The following ULK4 variants were observed in gnomAD, a reference collection of about 807,000 sequenced individuals.
The protein encoded by ULK4 is unc-51 like kinase 4.
Under a neutral mutation model 160.6 loss-of-function variants are expected in ULK4, and 133 were observed. The observed-to-expected ratio is 0.83, with a 90% confidence interval of 0.72 to 0.96. The LOEUF is 0.96. Ranked by LOEUF, ULK4 falls within the 40% of genes least tolerant of loss-of-function variation. ULK4 has a pLI of 0.00. For missense variants in ULK4, 1,580 were observed against 1,499.5 expected (o/e 1.05, Z -0.89); for synonymous variants, 534 against 539.8 (o/e 0.99, Z 0.15).
intron 17 of ULK4, among the ~76,000 whole-genome samples, chr3:41,882,456 C>T (rs1697558514): frequency 6.6e-6 from 1 of 152,200 alleles, no homozygotes; most frequent in Non-Finnish European, 1.5e-5. Context: ...GCCATAGTGG[C>T]TGGTGGCTAC....
At chr3:41,531,357 C>T (rs2086305449) in intron 32 of ULK4, among the ~76,000 whole-genome samples, 1 of 139,544 alleles carries the variant, frequency 7.2e-6, no homozygotes, top group Non-Finnish European at 1.5e-5. Context: ...AGGAGAATGG[C>T]GTGAACCTGG....
At chr3:41,507,612 CAAAAAAAAAA>C (rs71075473) in intron 32 of ULK4, among the ~76,000 whole-genome samples, 1 of 75,288 alleles carries the variant, frequency 1.3e-5, no homozygotes, top group African/African-American at 6.2e-5. Flanking sequence ...AAACCACCAC[CAAAAAAAAAA>C]AAAAAAAAAA....
chr3:41,484,387 C>A (rs2084432839), intron 32 of ULK4, among the ~76,000 whole-genome samples: 1 of 151,914 alleles, frequency 6.6e-6, no homozygotes, highest in South Asian at 2.1e-4. Flanking sequence ...ACCCCCTGGA[C>A]TGGGCGCCTG....
Position 41,351,108 on chromosome 3 carries a change from G to A in ULK4, c.3678+46971C>T, listed in dbSNP as rs536921226. On this transcript the variant is annotated intron_variant, in intron 35 of 36. Transcript: ENST00000301831. ...CCACACTGAAGCACGTAGGACGGAAGATAAGTCAAGTCTTGTAAGAGTCGT... is the reference window on the plus strand; with the variant it reads ...CCACACTGAAGCACGTAGGACGGAAAATAAGTCAAGTCTTGTAAGAGTCGT... Among the ~76,000 whole-genome samples, 11 of 152,302 alleles carry A rather than the reference G, an allele frequency of 7.2e-5. No homozygotes were observed. The South Asian group carries it at 2.3e-3, about 32-fold the overall frequency.
chr3:41,501,808 C>CA (rs2085219810), intron 32 of ULK4, among the ~76,000 whole-genome samples: 1 of 152,092 alleles, frequency 6.6e-6, no homozygotes, highest in Non-Finnish European at 1.5e-5. Flanking sequence ...AATATGTCCC[C>CA]AATTATCCCA....
At chr3:41,770,510 CTT>C (rs560284136) in intron 21 of ULK4, among the ~76,000 whole-genome samples, 27 of 135,398 alleles carry the variant, frequency 2.0e-4, no homozygotes, top group Admixed American at 2.2e-4. Flanking sequence ...TAGAAAGATA[CTT>C]TTTTTTTTTT....
chr3:41,931,863 G>A lies in ULK4; in HGVS notation c.522C>T (p.Ser174=). The A allele has an allele frequency of 6.2e-7, 1 of 1,613,934 alleles. No individual in the cohort carries two copies. The highest frequency in any genetic ancestry group is 8.5e-7 in the Non-Finnish European group (1 of 1,179,944). ...ACATACCTTTGACTCTACTTTTCATGCTTTTCTTCAGGACATTTTCCCCAT... is the reference window on the plus strand; with the variant it reads ...ACATACCTTTGACTCTACTTTTCATACTTTTCTTCAGGACATTTTCCCCAT... ...GDNGENVLKK[S]MKSRVKGSPV... Residue 174 remains serine, a synonymous_variant, in exon 5 of 37, where the codon AGC becomes AGT. Transcript: ENST00000301831.
In ULK4 at chr3:41,884,049, T is replaced by A. The variant is rs139686335; in HGVS notation, c.1578-97A>T. 2.9e-4 allele frequency: 249 copies of A among 850,982 alleles called. 1 individual carries two copies. The African/African-American group carries it at 3.8e-3, about 13-fold the overall frequency. The allele number at this position is 850,982 out of a possible 1,614,324, so 52.7% of individuals were successfully genotyped here. On this transcript the variant is annotated intron_variant, in intron 16 of 36. Coordinates refer to ENST00000301831, the MANE Select transcript of ULK4 (RefSeq NM_017886.4). ...ATTATGCAATGATGAGCATTAGATA[T>A]AAGACTGAGAAATAAAAATTGAATG... is the stretch of plus-strand genomic sequence containing the variant.
At chr3:41,941,665 G>A (rs1182870620) in intron 2 of ULK4, among the ~76,000 whole-genome samples, 1 of 139,898 alleles carries the variant, frequency 7.1e-6, no homozygotes, top group Non-Finnish European at 1.5e-5. Context: ...GCTGCGGCAG[G>A]AGGATCCATT....
At chr3:41,352,826 C>G (rs2080937839) in intron 35 of ULK4, among the ~76,000 whole-genome samples, 1 of 152,190 alleles carries the variant, frequency 6.6e-6, no homozygotes, top group South Asian at 2.1e-4. Flanking sequence ...GAGGGCCTAA[C>G]TAGGTTCAGT....
intron 2 of ULK4, among the ~76,000 whole-genome samples, chr3:41,948,037 G>A (rs988965408): frequency 3.3e-5 from 5 of 151,994 alleles, no homozygotes; most frequent in Non-Finnish European, 5.9e-5. Flanking sequence ...TTTCCCACAC[G>A]TGACCGACCC....
chr3:41,389,985 G>A (rs1377996738), intron 35 of ULK4, among the ~76,000 whole-genome samples: 2 of 152,126 alleles, frequency 1.3e-5, no homozygotes, highest in African/African-American at 4.8e-5. Context: ...GAATTCGGCT[G>A]GGAATCCATC....
At position 41,911,633 on chromosome 3, in the gene ULK4, G is replaced by T; in HGVS notation, c.923C>A (p.Pro308Gln). 6.2e-7 allele frequency: 1 copy of T among 1,613,748 alleles called. No homozygotes were observed. The highest frequency in any genetic ancestry group is 8.5e-7 in the Non-Finnish European group (1 of 1,180,016). The change falls in exon 10 of 37, where the codon CCA becomes CAA. Residue 308 changes from proline (P) to glutamine (Q), a missense_variant. By Grantham distance (76) the Pro-to-Gln change is moderately conservative. Transcript: ENST00000301831. Reference protein sequence around the residue: ...LSRNTMECSGPQDSKELLQNS... With the variant: ...LSRNTMECSGQQDSKELLQNS... Reference sequence around the variant, plus strand: ...CTGCAAAAGCTCCTTGGAATCTTGTGGCCCAGAACACTCCATAGTGTTTCT... The same window carrying T: ...CTGCAAAAGCTCCTTGGAATCTTGTTGCCCAGAACACTCCATAGTGTTTCT...
chr3:41,279,255 T>TGAAAAAAA (rs1553638183), intron 35 of ULK4, among the ~76,000 whole-genome samples: 2 of 43,074 alleles, frequency 4.6e-5, no homozygotes, highest in African/African-American at 2.5e-4. Flanking sequence ...AAAAAAAGAG[T>TGAAAAAAA]AAAAAAAAAA....
intron 17 of ULK4, among the ~76,000 whole-genome samples, chr3:41,871,558 A>G (rs1697094010): frequency 6.6e-6 from 1 of 152,240 alleles, no homozygotes; most frequent in Non-Finnish European, 1.5e-5. Context: ...TAATAGGTGT[A>G]TAGTTGCAGA....
intron 18 of ULK4, among the ~76,000 whole-genome samples, chr3:41,827,971 C>T (rs111367932): frequency 1.1e-4 from 17 of 152,102 alleles, no homozygotes; most frequent in African/African-American, 3.6e-4. Context: ...GGGCTTCATC[C>T]CTGGGATGCA....
chr3:41,816,172 TCCTG>T (rs1291164543), intron 19 of ULK4, among the ~76,000 whole-genome samples: 3 of 151,864 alleles, frequency 2.0e-5, no homozygotes, highest in African/African-American at 4.8e-5. Flanking sequence ...AATTAAGAAC[TCCTG>T]CCTATCAATA....
intron 17 of ULK4, among the ~76,000 whole-genome samples, chr3:41,846,780 G>A (rs990945280): frequency 6.7e-6 from 1 of 149,076 alleles, no homozygotes; most frequent in African/African-American, 2.5e-5. Flanking sequence ...ACTCCAGCCT[G>A]GGCGACAGAG....
At chr3:41,271,101 T>C (rs1266581153) in intron 35 of ULK4, among the ~76,000 whole-genome samples, 2 of 152,192 alleles carry the variant, frequency 1.3e-5, no homozygotes, top group Non-Finnish European at 2.9e-5. Context: ...TATAGTAAAC[T>C]ATACAATTTG....
Sources: gnomAD v4.1 joint callset for allele counts (sites outside exome capture counted in the v4.1 genomes callset) on GRCh38, gnomAD v4.1.1 for gene constraint, MANE v1.5 for transcripts, NCBI Gene and HGNC (gene_info 2026-07-23, HGNC 2026-07-21) for gene names.